IFT43: variants seen among roughly 807,000 people sequenced by gnomAD.
The protein encoded by IFT43 is intraflagellar transport 43.
Under a neutral mutation model 32.3 loss-of-function variants are expected in IFT43, and 33 were observed. The observed-to-expected ratio is 1.02, with a 90% CI of 0.77 to 1.37. The LOEUF (loss-of-function observed/expected upper bound fraction) is 1.37, where lower values mean the gene tolerates loss of function less well. Ranked by LOEUF, IFT43 falls within the 40% of genes most tolerant of loss-of-function variation. IFT43 has a pLI of 0.00. For synonymous variants in IFT43, 93 were observed against 98.2 expected (o/e 0.95, Z 0.31); for missense variants, 274 against 265.9 (o/e 1.03, Z -0.21).
chr14:75,985,924 G>T, intron 1 of IFT43, 84 bp downstream of exon 1: 1 of 1,568,316 alleles, frequency 6.4e-7, no homozygotes, highest in South Asian at 1.2e-5. Context: ...TCTCTGAGGC[G>T]ACTCAGGGCG....
At chr14:76,062,938 A>AAAAAAAAAAAG (rs1485146040) in intron 5 of IFT43, among the ~76,000 whole-genome samples, 11 of 120,878 alleles carry the variant, frequency 9.1e-5, no homozygotes, top group African/African-American at 2.6e-4. Context: ...AAAAAAAAAA[A>AAAAAAAAAAAG]AAAGAAAATA....
chr14:76,009,909 C>G (rs1377472930), intron 2 of IFT43, among the ~76,000 whole-genome samples: 5 of 152,116 alleles, frequency 3.3e-5, no homozygotes, highest in African/African-American at 1.2e-4. Flanking sequence ...ATTCTCATGC[C>G]TCAGCCTCTG....
chr14:76,022,413 TA>T lies in IFT43; in HGVS notation c.215+21del. On this transcript the variant is annotated intron_variant, in intron 3 of 8. Transcript: ENST00000314067. ...CTTCGAAGTGAGTACCAGCAGCTCA[TA>T]AGAGTATGGGTGGGGGTGCACACGG... The T allele has an allele frequency of 6.9e-7, 1 of 1,454,278 alleles. No individual in the cohort carries two copies. The highest frequency in any genetic ancestry group is 9.7e-7 in the Non-Finnish European group (1 of 1,034,400). 90.1% of individuals were successfully genotyped at this position (1,454,278 alleles called of 1,614,324 possible). A position where few individuals can be genotyped will look rare whatever the true frequency, so the allele number is the denominator to read the frequency against.
At chr14:76,048,253 C>T (rs1178800129) in intron 3 of IFT43, among the ~76,000 whole-genome samples, 3 of 152,262 alleles carry the variant, frequency 2.0e-5, no homozygotes, top group East Asian at 3.9e-4. Flanking sequence ...CCTCTGGGAC[C>T]CTCACAGAAT....
intron 2 of IFT43, among the ~76,000 whole-genome samples, chr14:75,999,230 TATATATA>T (rs2035806547): frequency 4.1e-4 from 2 of 4,938 alleles, no homozygotes; most frequent in African/African-American, 3.5e-3. Context: ...ATTCATTTTA[TATATATA>T]TATATATATA....
rs760229321 is a variant in IFT43 at position 76,082,277 on chromosome 14, C to G, written c.296-18C>G. On this transcript the variant is annotated intron_variant, in intron 5 of 8. Transcript: ENST00000314067. ...CTATGAGTTCTGCAGACAGTGTTGC[C>G]TCTGCCTCTCCTTGCAGATATTCCT... 79 of 1,612,028 alleles carry G rather than the reference C, an allele frequency of 4.9e-5. 1 individual carries two copies. In the East Asian group the frequency reaches 1.7e-3, roughly 35 times the overall value.
chr14:76,078,954 G>A (rs751979901), intron 5 of IFT43, among the ~76,000 whole-genome samples: 3 of 152,154 alleles, frequency 2.0e-5, no homozygotes, highest in African/African-American at 7.2e-5. Context: ...GAGAAGTAGC[G>A]AGTCAGGGTG....
At chr14:76,000,328 A>G (rs991553480) in intron 2 of IFT43, among the ~76,000 whole-genome samples, 2 of 148,770 alleles carry the variant, frequency 1.3e-5, no homozygotes, top group Non-Finnish European at 3.0e-5. Context: ...GCAGTGGCAC[A>G]ATCTCGGCTC....
At chr14:76,050,801 A>G (rs925783511) in intron 3 of IFT43, among the ~76,000 whole-genome samples, 3 of 152,192 alleles carry the variant, frequency 2.0e-5, no homozygotes, top group Middle Eastern at 3.2e-3. Flanking sequence ...TCCTGAATAA[A>G]AAAATGTTCA....
chr14:76,049,416 AT>A (rs2036869849), intron 3 of IFT43, among the ~76,000 whole-genome samples: 1 of 151,304 alleles, frequency 6.6e-6, no homozygotes, highest in Admixed American at 6.6e-5. Flanking sequence ...ACAAACAGCA[AT>A]GTCTAGCTAA....
chr14:76,002,724 C>T (rs552935146), intron 2 of IFT43, among the ~76,000 whole-genome samples: 1 of 152,290 alleles, frequency 6.6e-6, no homozygotes, highest in Non-Finnish European at 1.5e-5. Context: ...CTGAATGGTA[C>T]AAGTTTTGAA....
intron 5 of IFT43, among the ~76,000 whole-genome samples, chr14:76,078,202 T>G (rs548151772): frequency 3.3e-5 from 5 of 152,224 alleles, no homozygotes; most frequent in Non-Finnish European, 5.9e-5. Flanking sequence ...TCGTTAACAG[T>G]GATTACTTCT....
In IFT43 at chr14:76,061,433, C is replaced by T. The variant is rs1326474243; in HGVS notation, c.295+2060C>T. Among the ~76,000 whole-genome samples the T allele has an allele frequency of 2.6e-5, 4 of 152,302 alleles. No individual in the cohort carries two copies. In the East Asian group the frequency reaches 7.7e-4, roughly 29 times the overall value. On this transcript the variant is annotated intron_variant, in intron 5 of 8. Coordinates refer to ENST00000314067, the MANE Select transcript of IFT43 (RefSeq NM_001102564.3). ...TTCTTTAAATATATTTTTCTTCCCT[C>T]CCACTCCTTCTAATTCCAAGTTTGT...
At chr14:76,082,458 G>A (rs2037529039) in intron 6 of IFT43, 91 bp downstream of exon 6, 1 of 1,178,712 alleles carries the variant, frequency 8.5e-7, no homozygotes, top group South Asian at 1.2e-5. Flanking sequence ...ATGTCAATCT[G>A]GATCTTTCTG....
chr14:76,045,763 G>T (rs1037084006), intron 3 of IFT43, among the ~76,000 whole-genome samples: 11 of 152,192 alleles, frequency 7.2e-5, no homozygotes, highest in African/African-American at 2.7e-4. Flanking sequence ...TTCTTAGCAA[G>T]AATTTGTTTT....
chr14:76,021,697 A>C (rs1474239567), intron 2 of IFT43, among the ~76,000 whole-genome samples: 1 of 152,224 alleles, frequency 6.6e-6, no homozygotes, highest in Non-Finnish European at 1.5e-5. Context: ...ATAACATTAT[A>C]TTCCTCTCTG....
At chr14:76,016,412 A>G (rs1192991003) in intron 2 of IFT43, among the ~76,000 whole-genome samples, 1 of 151,910 alleles carries the variant, frequency 6.6e-6, no homozygotes, top group South Asian at 2.1e-4. Flanking sequence ...CCTTTGATCT[A>G]TTTGTTTTTA....
At chr14:76,048,539 C>G (rs2036851886) in intron 3 of IFT43, among the ~76,000 whole-genome samples, 1 of 152,154 alleles carries the variant, frequency 6.6e-6, no homozygotes, top group South Asian at 2.1e-4. Context: ...TCTTTTGAGT[C>G]CTGTATGGAG....
chr14:76,035,336 G>A (rs961496498), intron 3 of IFT43, among the ~76,000 whole-genome samples: 22 of 152,048 alleles, frequency 1.4e-4, no homozygotes, highest in African/African-American at 4.8e-4. Flanking sequence ...CCTTCTCATG[G>A]GCTGTTCTGG....
Sources: gnomAD v4.1 joint callset for allele counts (sites outside exome capture counted in the v4.1 genomes callset) on GRCh38, gnomAD v4.1.1 for gene constraint, MANE v1.5 for transcripts, NCBI Gene and HGNC (gene_info 2026-07-23, HGNC 2026-07-21) for gene names.